The following GABRB1 variants were observed in gnomAD, a reference collection of about 807,000 sequenced individuals.
GABRB1 encodes gamma-aminobutyric acid type A receptor subunit beta1.
A neutral mutation model predicts 51.6 loss-of-function variants in GABRB1; 17 were observed. That is an observed-to-expected ratio of 0.33 (90% confidence interval 0.23 to 0.49). The LOEUF (loss-of-function observed/expected upper bound fraction) is 0.49, where lower values mean the gene tolerates loss of function less well. Ranked by LOEUF, GABRB1 falls within the 20% of genes least tolerant of loss-of-function variation. The pLI is 0.99. For synonymous variants in GABRB1, 247 were observed against 218.9 expected (o/e 1.13, Z -1.14); for missense variants, 410 against 600.6 (o/e 0.68, Z 3.32).
At chr4:47,387,793 A>G (rs1727852391) in intron 5 of GABRB1, among the ~76,000 whole-genome samples, 1 of 152,172 alleles carries the variant, frequency 6.6e-6, no homozygotes, top group Non-Finnish European at 1.5e-5. Flanking sequence ...CCAGCTGAAT[A>G]GCCCAGATGG....
chr4:47,384,370 A>G (rs1727705923), intron 5 of GABRB1, among the ~76,000 whole-genome samples: 1 of 151,488 alleles, frequency 6.6e-6, no homozygotes, highest in African/African-American at 2.4e-5. Context: ...ACAAATCACT[A>G]TTTCTCATCA....
chr4:47,105,681 G>A (rs1339585132), intron 3 of GABRB1, among the ~76,000 whole-genome samples: 1 of 152,046 alleles, frequency 6.6e-6, no homozygotes, highest in East Asian at 1.9e-4. Flanking sequence ...GTTCAGGACG[G>A]GAAATAAGGA....
intron 3 of GABRB1, among the ~76,000 whole-genome samples, chr4:47,063,544 A>G (rs1726932166): frequency 6.6e-6 from 1 of 152,180 alleles, no homozygotes; most frequent in African/African-American, 2.4e-5. Context: ...TCTCCACATG[A>G]TGCCAACAAG....
At chr4:47,062,848 C>T (rs1014573564) in intron 3 of GABRB1, among the ~76,000 whole-genome samples, 4 of 152,104 alleles carry the variant, frequency 2.6e-5, no homozygotes, top group African/African-American at 7.2e-5. Context: ...TCAGACATAC[C>T]TTCAAATATA....
intron 3 of GABRB1, among the ~76,000 whole-genome samples, chr4:47,056,380 A>G (rs1308390902): frequency 6.6e-6 from 1 of 152,218 alleles, no homozygotes; most frequent in Non-Finnish European, 1.5e-5. Context: ...TGCCTGGACT[A>G]ATAGATACTG....
chr4:47,057,208 A>T (rs1462340372), intron 3 of GABRB1, among the ~76,000 whole-genome samples: 1 of 152,194 alleles, frequency 6.6e-6, no homozygotes, highest in Non-Finnish European at 1.5e-5. Context: ...AGAGTAAATG[A>T]TCTGAGGAAT....
At chr4:47,327,430 T>G (rs1422661548) in intron 5 of GABRB1, among the ~76,000 whole-genome samples, 2 of 152,078 alleles carry the variant, frequency 1.3e-5, no homozygotes, top group African/African-American at 2.4e-5. Context: ...TAAGGAAAGA[T>G]CTAACATTTA....
intron 4 of GABRB1, among the ~76,000 whole-genome samples, chr4:47,247,004 C>G (rs1323601463): frequency 6.6e-6 from 1 of 152,092 alleles, no homozygotes; most frequent in African/African-American, 2.4e-5. Flanking sequence ...ATTCTATTTG[C>G]TGAGCAAAAG....
At chr4:47,040,240 A>G (rs1382728558) in intron 3 of GABRB1, among the ~76,000 whole-genome samples, 5 of 152,180 alleles carry the variant, frequency 3.3e-5, no homozygotes, top group Non-Finnish European at 7.4e-5. Context: ...AAAGTGTTTA[A>G]AGGCAACTGT....
intron 4 of GABRB1, among the ~76,000 whole-genome samples, chr4:47,257,704 A>G (rs1202463857): frequency 6.6e-6 from 1 of 152,104 alleles, no homozygotes; most frequent in Non-Finnish European, 1.5e-5. Context: ...GGAAAAAAAA[A>G]AAACTAGTGA....
intron 3 of GABRB1, among the ~76,000 whole-genome samples, chr4:47,095,848 GA>G (rs1714399520): frequency 6.6e-6 from 1 of 152,166 alleles, no homozygotes; most frequent in African/African-American, 2.4e-5. Flanking sequence ...ATTTAAATGA[GA>G]ATCATTACTG....
intron 3 of GABRB1, among the ~76,000 whole-genome samples, chr4:47,084,801 C>T (rs1018032949): frequency 6.6e-6 from 1 of 152,200 alleles, no homozygotes; most frequent in Non-Finnish European, 1.5e-5. Context: ...GAACAGGACC[C>T]TTAAAGATGA....
intron 1 of GABRB1, among the ~76,000 whole-genome samples, chr4:47,017,895 T>C (rs1407121142): frequency 6.6e-6 from 1 of 152,230 alleles, no homozygotes; most frequent in African/African-American, 2.4e-5. Context: ...TAAATTGTTG[T>C]TAAATTCAGA....
At chr4:46,994,556 G>A (rs1324289814) in intron 1 of GABRB1, 3 of 152,106 alleles carry the variant, frequency 2.0e-5, no homozygotes, top group Non-Finnish European at 4.4e-5. Flanking sequence ...GGGGTATGGA[G>A]AGAAAGGATA....
intron 4 of GABRB1, among the ~76,000 whole-genome samples, chr4:47,238,747 C>A (rs1480222090): frequency 6.6e-6 from 1 of 152,064 alleles, no homozygotes; most frequent in Admixed American, 6.6e-5. Context: ...TAATAGAATT[C>A]CAAAGTATAA....
At position 47,426,428 on chromosome 4, in the gene GABRB1, C is replaced by CAAAAAAAAAAAAAAAAA. The variant is rs59682924; in HGVS notation, c.*413_*429dup. 4.7e-5 allele frequency: 4 copies of CAAAAAAAAAAAAAAAAA among 84,828 alleles called. No homozygotes were observed. The highest frequency in any genetic ancestry group is 4.4e-4 in the South Asian group (1 of 2,296). 5.3% of individuals were successfully genotyped at this position (84,828 alleles called of 1,614,324 possible). On this transcript the variant is annotated 3_prime_UTR_variant, in exon 9 of 9. Coordinates refer to ENST00000295454, the MANE Select transcript of GABRB1 (RefSeq NM_000812.4). ...GTAAACTATAACAAACTTATGCTGC[C>CAAAAAAAAAAAAAAAAA]AAAAAAAAAAAAAAAAAAACATAAA...
At position 47,373,294 on chromosome 4, in the gene GABRB1, T is replaced by A. The variant is rs555579168; in HGVS notation, c.545-30024T>A. ...CTTTTTATTTGAGTTGGGGTGAGAA[T>A]GGTGGTTGAAATGACAGTGTCTGCT... On this transcript the variant is annotated intron_variant, in intron 5 of 8. Transcript: ENST00000295454. 4.6e-4 allele frequency among the ~76,000 whole-genome samples: 70 copies of A among 152,324 alleles called. 2 individuals are homozygous for A. Among genetic ancestry groups the A allele is most frequent in the African/African-American group, 1.6e-3 (66 of 41,568 alleles).
chr4:47,247,001 T>G (rs1560296093), intron 4 of GABRB1, among the ~76,000 whole-genome samples: 1 of 152,160 alleles, frequency 6.6e-6, no homozygotes, highest in Admixed American at 6.5e-5. Flanking sequence ...ACTATTCTAT[T>G]TGCTGAGCAA....
intron 3 of GABRB1, among the ~76,000 whole-genome samples, chr4:47,067,436 A>G (rs983203222): frequency 3.3e-5 from 5 of 152,174 alleles, no homozygotes; most frequent in Non-Finnish European, 2.9e-5. Context: ...TCTTCTTCCA[A>G]TAGAAGGCTG....
Sources: allele counts gnomAD v4.1 joint callset (sites outside exome capture counted in the v4.1 genomes callset), GRCh38; gene constraint gnomAD v4.1.1; transcripts MANE v1.5; gene names NCBI Gene and HGNC (gene_info 2026-07-23, HGNC 2026-07-21).